KRT71: variants seen among roughly 807,000 people sequenced by gnomAD.
KRT71 encodes keratin 71.
Under a neutral mutation model 46.2 loss-of-function variants are expected in KRT71, and 42 were observed. The observed-to-expected ratio is 0.91, with a 90% CI of 0.71 to 1.18. KRT71 has a LOEUF of 1.18. Ranked by LOEUF, KRT71 falls within the 50% of genes most tolerant of loss-of-function variation. The pLI, the probability that KRT71 is intolerant of heterozygous loss-of-function variation, is 0.00. For missense variants in KRT71, 708 were observed against 677.9 expected (o/e 1.04, Z -0.49); for synonymous variants, 292 against 277.8 (o/e 1.05, Z -0.51).
chr12:52,546,463 C>T lies in KRT71; in HGVS notation c.1148G>A (p.Gly383Glu). Residue 383 changes from glycine (G) to glutamate (E), a missense_variant, in exon 7 of 9, where the codon GGA becomes GAA. Physicochemically the swap from Gly to Glu is moderately conservative, Grantham distance 98. Transcript: ENST00000267119. The part of the protein sequence containing the change: ...ETAIADAEQR[G>E]DNALKDARAK... ...CCGGGCATCCTTCAGGGCGTTGTCT[C>T]CCCGCTGCTCAGCATCAGCGATGGC... The T allele has an allele frequency of 6.2e-7, 1 of 1,614,166 alleles. No homozygotes were observed. The highest frequency in any genetic ancestry group is 1.3e-5 in the African/African-American group (1 of 75,056).
At chr12:52,547,805 C>A in intron 6 of KRT71, 52 bp downstream of exon 6, 1 of 1,601,006 alleles carries the variant, frequency 6.2e-7, no homozygotes, top group South Asian at 1.1e-5. Context: ...CATCTCCCCT[C>A]TACTCATGCT....
rs1206178764 is a variant in KRT71, at chr12:52,550,012, G to A, written c.656+17C>T. ...CAAGGGCAGTTGTCCAGTTACAGGG[G>A]GACTCCTCCTGCTCACCTCTTCTTG... On this transcript the variant is annotated intron_variant, in intron 2 of 8. Transcript: ENST00000267119. 2 of 1,613,722 alleles carry A rather than the reference G, an allele frequency of 1.2e-6. No homozygotes were observed.
chr12:52,548,130 G>C (rs1939089969), intron 5 of KRT71, 22 bp downstream of exon 5: 1 of 1,610,020 alleles, frequency 6.2e-7, no homozygotes, highest in Admixed American at 1.7e-5. Context: ...ACCCTCCCTG[G>C]CCCCACCTCA....
rs771018687 is a variant in KRT71 at position 52,546,297 on chromosome 12, G to A, written c.1314C>T (p.Ser438=). Reference sequence around the variant, plus strand: ...CACGCCCCGCCCACCTGCACTCCTCGCTCTCCAGTAGCTTGCGATAGGTGG... The same window carrying A: ...CACGCCCCGCCCACCTGCACTCCTCACTCTCCAGTAGCTTGCGATAGGTGG... ...EIATYRKLLE[S]EECRMSGEFP... The change falls in exon 7 of 9, where the codon AGC becomes AGT. Residue 438 remains serine, a synonymous_variant. Transcript: ENST00000267119. 8.7e-6 allele frequency: 14 copies of A among 1,613,948 alleles called. No homozygotes were observed. Among genetic ancestry groups the A allele is most frequent in the Admixed American group, 6.7e-5 (4 of 59,994 alleles).
intron 6 of KRT71, among the ~76,000 whole-genome samples, chr12:52,547,305 T>C (rs1437080398): frequency 6.6e-6 from 1 of 152,202 alleles, no homozygotes; most frequent in East Asian, 1.9e-4. Context: ...TGCTATCGTA[T>C]ATGTACATCT....
At chr12:52,548,630 C>T (rs527928499) in intron 4 of KRT71, 71 bp downstream of exon 4, 4 of 1,367,464 alleles carry the variant, frequency 2.9e-6, no homozygotes, top group East Asian at 4.6e-5. Flanking sequence ...CTCCATGTCT[C>T]CTGCAGCCCC....
chr12:52,551,227 AG>A (rs1359077876), intron 1 of KRT71, among the ~76,000 whole-genome samples: 1 of 152,204 alleles, frequency 6.6e-6, no homozygotes, highest in African/African-American at 2.4e-5. Flanking sequence ...TGGCTGCCTG[AG>A]GTTAAGGGAC....
At chr12:52,550,306 G>A in intron 1 of KRT71, 63 bp from the exon 2 acceptor site, 1 of 1,585,188 alleles carries the variant, frequency 6.3e-7, no homozygotes. Flanking sequence ...GTCTCTCACA[G>A]GGCATTGTGT....
At position 52,544,757 on chromosome 12, in the gene KRT71, C is replaced by T. The variant is rs367619481; in HGVS notation, c.1361-14G>A. ...TGCTGATGATGGCTGCAGGAGGAGC[C>T]GAAGCCAACACCCACTCAGGCAGAG... On this transcript the variant is annotated splice_polypyrimidine_tract_variant and intron_variant, in intron 8 of 8. Transcript: ENST00000267119. The T allele has an allele frequency of 7.0e-5, 111 of 1,597,028 alleles. 1 individual carries two copies. The highest frequency in any genetic ancestry group is 3.9e-4 in the Middle Eastern group (2 of 5,144).
rs550920663 is a variant in KRT71, at chr12:52,549,374, C to T, written c.657-21G>A. On this transcript the variant is annotated intron_variant, in intron 2 of 8. Coordinates refer to ENST00000267119, the MANE Select transcript of KRT71 (RefSeq NM_033448.3). ...CATACCTGTGGGAATGGCGAGGGCTCATTGGTTAATATCTCACTGAAAGCC... is the reference window on the plus strand; with the variant it reads ...CATACCTGTGGGAATGGCGAGGGCTTATTGGTTAATATCTCACTGAAAGCC... 11 of 1,603,058 alleles carry T rather than the reference C, an allele frequency of 6.9e-6. No homozygotes were observed. In the South Asian group the frequency reaches 1.2e-4, roughly 18 times the overall value.
intron 1 of KRT71, 43 bp from the exon 2 acceptor site, chr12:52,550,286 A>C (rs1302792467): frequency 1.2e-6 from 2 of 1,604,554 alleles, no homozygotes; most frequent in Non-Finnish European, 1.7e-6. Context: ...TTGCAGTAAT[A>C]GTCACACGTG....
rs533652042 is a variant in KRT71 at position 52,544,873 on chromosome 12, G to T, written c.1361-130C>A. The T allele has an allele frequency of 1.0e-4, 77 of 736,860 alleles. No homozygotes were observed. In the South Asian group the frequency reaches 1.3e-3, roughly 12 times the overall value. The allele number at this position is 736,860 out of a possible 1,614,324, so 45.6% of individuals were successfully genotyped here. ...TGCACACCCGCTCCCTCTCCCTGGGGAGAATGTACCAAAGACAGCTTCCCT... is the reference window on the plus strand; with the variant it reads ...TGCACACCCGCTCCCTCTCCCTGGGTAGAATGTACCAAAGACAGCTTCCCT... On this transcript the variant is annotated intron_variant, in intron 8 of 8. Transcript: ENST00000267119.
At chr12:52,550,286 A>T (rs1302792467) in intron 1 of KRT71, 43 bp from the exon 2 acceptor site, 1 of 1,604,554 alleles carries the variant, frequency 6.2e-7, no homozygotes. Flanking sequence ...TTGCAGTAAT[A>T]GTCACACGTG....
rs1394167835 is a variant in KRT71 at position 52,544,068 on chromosome 12, G to A, written c.*464C>T. On this transcript the variant is annotated 3_prime_UTR_variant, in exon 9 of 9. Transcript: ENST00000267119. ...ACTCAGATTTGAGACTGAGCTAGAT[G>A]TGGGGGTGGGGACTGGGCCACTCTT... The A allele has an allele frequency of 1.1e-5, 2 of 175,682 alleles. No homozygotes were observed. The highest frequency in any genetic ancestry group is 1.4e-4 in the South Asian group (1 of 7,008). The allele number at this position is 175,682 out of a possible 1,614,324, so 10.9% of individuals were successfully genotyped here. A position where few individuals can be genotyped will look rare whatever the true frequency, so the allele number is the denominator to read the frequency against.
intron 4 of KRT71, 150 bp downstream of exon 4, chr12:52,548,551 C>A: frequency 1.3e-6 from 1 of 793,612 alleles, no homozygotes; most frequent in Non-Finnish European, 2.1e-6. Flanking sequence ...AGTGTGCAGA[C>A]CTAGGAGCCT....
chr12:52,550,470 G>A (rs1229565920), intron 1 of KRT71, among the ~76,000 whole-genome samples: 1 of 152,150 alleles, frequency 6.6e-6, no homozygotes, highest in Non-Finnish European at 1.5e-5. Flanking sequence ...ACTGAATCTA[G>A]ACACATGTCC....
At chr12:52,550,344 A>C in intron 1 of KRT71, 101 bp from the exon 2 acceptor site, 9 of 1,378,222 alleles carry the variant, frequency 6.5e-6, no homozygotes, top group Non-Finnish European at 9.0e-6. Flanking sequence ...TTTCTCCTCA[A>C]TAGAGCTGAA....
chr12:52,552,374 C>T (rs1443976393), intron 1 of KRT71, among the ~76,000 whole-genome samples: 2 of 152,232 alleles, frequency 1.3e-5, no homozygotes, highest in Admixed American at 1.3e-4. Context: ...ACCAAGCTAG[C>T]CCTCAAGAGG....
chr12:52,547,076 G>A (rs1939070295), intron 6 of KRT71, among the ~76,000 whole-genome samples: 1 of 152,196 alleles, frequency 6.6e-6, no homozygotes, highest in Non-Finnish European at 1.5e-5. Context: ...AGATCACAAA[G>A]CAACTAAGTG....
Sources: allele counts gnomAD v4.1 joint callset (sites outside exome capture counted in the v4.1 genomes callset), GRCh38; gene constraint gnomAD v4.1.1; transcripts MANE v1.5; gene names NCBI Gene and HGNC (gene_info 2026-07-23, HGNC 2026-07-21).